TTC28: variants seen among roughly 807,000 people sequenced by gnomAD.
The protein encoded by TTC28 is tetratricopeptide repeat protein 28.
In TTC28, 61 loss-of-function variants were observed where a neutral mutation model predicts 198.0. The observed-to-expected ratio is 0.31, with a 90% CI of 0.25 to 0.38. The LOEUF is 0.38. Among genes scored for constraint, TTC28 ranks in the 10% least tolerant of loss-of-function variants. The pLI, the probability that TTC28 is intolerant of heterozygous loss-of-function variation, is 1.00. For synonymous variants in TTC28, 1,171 were observed against 1,297.8 expected, an observed-to-expected ratio of 0.90 and a Z score of 2.10; for missense variants, 2,678 against 3,164.0, an observed-to-expected ratio of 0.85 and a Z score of 3.69.
intron 5 of TTC28, among the ~76,000 whole-genome samples, chr22:28,243,422 C>CTT (rs34069957): frequency 1.6e-4 from 23 of 140,872 alleles, no homozygotes; most frequent in African/African-American, 3.6e-4. Context: ...TTTTTTTTCC[C>CTT]TTTTTTTTTT....
chr22:28,079,715 T>A (rs996733818), intron 12 of TTC28, among the ~76,000 whole-genome samples: 8 of 152,154 alleles, frequency 5.3e-5, no homozygotes, highest in Non-Finnish European at 7.3e-5. Flanking sequence ...GTGTAGCATG[T>A]GACAGGATTT....
intron 5 of TTC28, among the ~76,000 whole-genome samples, chr22:28,255,096 C>T (rs1930804653): frequency 6.6e-6 from 1 of 152,010 alleles, no homozygotes; most frequent in African/African-American, 2.4e-5. Flanking sequence ...GTTTCTTCAC[C>T]AGAAGCAAAT....
chr22:28,172,497 C>A (rs756422977), intron 5 of TTC28, among the ~76,000 whole-genome samples: 2 of 152,228 alleles, frequency 1.3e-5, no homozygotes, highest in East Asian at 1.9e-4. Context: ...ATGGCAACTC[C>A]AAATGATAGC....
intron 5 of TTC28, among the ~76,000 whole-genome samples, chr22:28,290,786 C>A (rs1424953292): frequency 1.3e-5 from 2 of 151,970 alleles, no homozygotes; most frequent in African/African-American, 2.4e-5. Flanking sequence ...GTGGCATGCA[C>A]CCGTAGTCTC....
At chr22:28,438,129 T>G (rs889174422) in intron 2 of TTC28, among the ~76,000 whole-genome samples, 2 of 152,196 alleles carry the variant, frequency 1.3e-5, no homozygotes, top group African/African-American at 4.8e-5. Flanking sequence ...CAATACTTAT[T>G]TTTAAAGTCT....
chr22:28,195,865 G>C (rs1925282615), intron 5 of TTC28, among the ~76,000 whole-genome samples: 2 of 151,420 alleles, frequency 1.3e-5, no homozygotes, highest in South Asian at 2.1e-4. Context: ...TACTGCTCAA[G>C]GTAATTTATA....
At chr22:28,621,437 G>T (rs959828350) in intron 2 of TTC28, among the ~76,000 whole-genome samples, 12 of 151,970 alleles carry the variant, frequency 7.9e-5, no homozygotes, top group South Asian at 2.1e-4. Context: ...AAAAAAGGCT[G>T]GGCCTCATGG....
At chr22:28,216,667 A>G (rs139889048) in intron 5 of TTC28, among the ~76,000 whole-genome samples, 109 of 152,298 alleles carry the variant, frequency 7.2e-4, no homozygotes, top group African/African-American at 2.6e-3. Flanking sequence ...TATCATAGTC[A>G]TTACTGATCC....
At chr22:28,411,322 T>C (rs1481110707) in intron 2 of TTC28, among the ~76,000 whole-genome samples, 2 of 152,192 alleles carry the variant, frequency 1.3e-5, no homozygotes, top group African/African-American at 4.8e-5. Context: ...TACAGAGTTG[T>C]TCAACTCTTA....
intron 2 of TTC28, among the ~76,000 whole-genome samples, chr22:28,388,515 T>C (rs926216510): frequency 6.6e-6 from 1 of 152,208 alleles, no homozygotes; most frequent in Non-Finnish European, 1.5e-5. Context: ...TCCTCTTTTA[T>C]TTCCTTGAGC....
chr22:28,209,859 T>A (rs1383289514), intron 5 of TTC28, among the ~76,000 whole-genome samples: 1 of 152,168 alleles, frequency 6.6e-6, no homozygotes, highest in African/African-American at 2.4e-5. Flanking sequence ...TCCTAACCCC[T>A]GAGTAGTCTA....
At chr22:28,633,319 AT>A (rs1336414367) in intron 1 of TTC28, among the ~76,000 whole-genome samples, 2 of 151,014 alleles carry the variant, frequency 1.3e-5, no homozygotes, top group South Asian at 4.2e-4. Context: ...AAGAAAAAAA[AT>A]TTTTTTTTCA....
rs183312972 is a variant in TTC28 at position 28,654,039 on chromosome 22, A to G, written c.103-24209T>C. 1.2e-4 allele frequency among the ~76,000 whole-genome samples: 18 copies of G among 152,252 alleles called. No individual in the cohort carries two copies. In the East Asian group the frequency reaches 2.1e-3, roughly 18 times the overall value. On this transcript the variant is annotated intron_variant, in intron 1 of 22. Coordinates refer to ENST00000397906, the MANE Select transcript of TTC28 (RefSeq NM_001145418.2). Reference sequence around the variant, plus strand: ...CAACATTCCTTTTTTCACTTGGGAGAAAAAATGAGAGAGAAGAGAGAAGGA... The same window carrying G: ...CAACATTCCTTTTTTCACTTGGGAGGAAAAATGAGAGAGAAGAGAGAAGGA...
At chr22:28,028,583 T>A (rs970922648) in intron 13 of TTC28, among the ~76,000 whole-genome samples, 2 of 152,148 alleles carry the variant, frequency 1.3e-5, no homozygotes, top group Non-Finnish European at 2.9e-5. Flanking sequence ...ACTGTCTGCT[T>A]TGGCAGCTCT....
rs545026293 is a variant in TTC28, at chr22:27,996,821, C to T, written c.5120-562G>A. Among the ~76,000 whole-genome samples the T allele has an allele frequency of 3.3e-5, 5 of 152,324 alleles. No individual in the cohort carries two copies. The South Asian group carries it at 1.0e-3, about 32-fold the overall frequency. On this transcript the variant is annotated intron_variant, in intron 16 of 22. Coordinates refer to ENST00000397906, the MANE Select transcript of TTC28 (RefSeq NM_001145418.2). ...CACAGGCAACTTTAGGACCAACCTG[C>T]CCCCAGATCATGTAGGGAAAGGGTT...
intron 5 of TTC28, among the ~76,000 whole-genome samples, chr22:28,288,537 G>A (rs1298569207): frequency 6.6e-6 from 1 of 152,124 alleles, no homozygotes; most frequent in Non-Finnish European, 1.5e-5. Context: ...GCTGGGCGCG[G>A]TGGCTCACGC....
chr22:28,369,966 C>T (rs1203816679), intron 2 of TTC28, among the ~76,000 whole-genome samples: 2 of 152,122 alleles, frequency 1.3e-5, no homozygotes, highest in Non-Finnish European at 2.9e-5. Flanking sequence ...TTTGCATAAA[C>T]CCCACCCTCT....
At chr22:28,082,290 T>C (rs906627911) in intron 12 of TTC28, among the ~76,000 whole-genome samples, 1 of 152,194 alleles carries the variant, frequency 6.6e-6, no homozygotes, top group African/African-American at 2.4e-5. Flanking sequence ...GTACTATATA[T>C]TGAAGATATG....
intron 5 of TTC28, among the ~76,000 whole-genome samples, chr22:28,292,538 T>C (rs2044808792): frequency 6.6e-6 from 1 of 152,134 alleles, no homozygotes; most frequent in Admixed American, 6.5e-5. Context: ...ATACCAACTT[T>C]TATGAAAAAC....
Sources: allele counts gnomAD v4.1 joint callset (sites outside exome capture counted in the v4.1 genomes callset), GRCh38; gene constraint gnomAD v4.1.1; transcripts MANE v1.5; gene names NCBI Gene and HGNC (gene_info 2026-07-23, HGNC 2026-07-21).